UXS1: variants seen among roughly 807,000 people sequenced by gnomAD.
UXS1 encodes UDP-glucuronic acid decarboxylase 1.
Under a neutral mutation model 62.6 loss-of-function variants are expected in UXS1, and 33 were observed. That is an observed-to-expected ratio of 0.53 (90% CI 0.40 to 0.70). The LOEUF (loss-of-function observed/expected upper bound fraction) is 0.70. Ranked by LOEUF, UXS1 falls within the 30% of genes least tolerant of loss-of-function variation. UXS1 has a pLI of 0.00. For synonymous variants in UXS1, 213 were observed against 206.8 expected (o/e 1.03, Z -0.26); for missense variants, 434 against 556.3 (o/e 0.78, Z 2.21).
intron 9 of UXS1, among the ~76,000 whole-genome samples, chr2:106,120,193 G>A (rs1020147446): frequency 1.3e-5 from 2 of 152,188 alleles, no homozygotes; most frequent in Non-Finnish European, 2.9e-5. Context: ...ATGAATAACG[G>A]GACGGAAGGT....
intron 9 of UXS1, among the ~76,000 whole-genome samples, chr2:106,116,014 T>C (rs1349246478): frequency 6.6e-6 from 1 of 152,162 alleles, no homozygotes; most frequent in Non-Finnish European, 1.5e-5. Context: ...ACAGTGTAAC[T>C]GGCATCAAAC....
chr2:106,129,676 A>T lies in UXS1; in HGVS notation c.575T>A (p.Leu192Ter). The T allele has an allele frequency of 6.2e-7, 1 of 1,607,094 alleles. No homozygotes were observed. Among genetic ancestry groups the T allele is most frequent in the Non-Finnish European group, 8.5e-7 (1 of 1,175,454 alleles). The change falls in exon 7 of 15, where the codon TTG becomes TAG. Residue 192 changes from leucine to a stop codon, truncating the protein, a stop_gained and splice_region_variant. Coordinates refer to ENST00000283148, the MANE Select transcript of UXS1 (RefSeq NM_001253875.2). LOFTEE classifies it high-confidence loss of function. The part of the protein sequence containing the change: ...KTNTIGTLNM[L>*]GLAKRVGARL... The stretch of plus-strand genomic sequence containing the variant: ...AAAACAAGAAAATGACAACTTACCC[A>T]ACATGTTTAATGTCCCAATCGTATT...
chr2:106,184,924 G>T (rs187751186), intron 1 of UXS1, among the ~76,000 whole-genome samples: 189 of 152,286 alleles, frequency 1.2e-3, no homozygotes, highest in African/African-American at 4.2e-3. Flanking sequence ...ACCCCAAAAT[G>T]CAAAACTGAT....
chr2:106,122,498 T>C (rs1161566033), intron 9 of UXS1, among the ~76,000 whole-genome samples: 1 of 152,174 alleles, frequency 6.6e-6, no homozygotes, highest in Non-Finnish European at 1.5e-5. Context: ...TGACCAAATC[T>C]GTCACATAAA....
intron 1 of UXS1, among the ~76,000 whole-genome samples, 196 bp downstream of exon 1, chr2:106,193,952 G>A (rs1486627218): frequency 2.6e-5 from 4 of 151,972 alleles, no homozygotes; most frequent in African/African-American, 9.7e-5. Flanking sequence ...CTAAGCGGTA[G>A]GGGGTGTGCG....
At chr2:106,167,821 T>G (rs1573553549) in intron 1 of UXS1, among the ~76,000 whole-genome samples, 1 of 152,156 alleles carries the variant, frequency 6.6e-6, no homozygotes, top group Non-Finnish European at 1.5e-5. Context: ...ATTCCCAGAC[T>G]GTTAAGGCAT....
chr2:106,112,875 C>T, intron 9 of UXS1, 110 bp from the exon 10 acceptor site: 1 of 1,454,412 alleles, frequency 6.9e-7, no homozygotes, highest in South Asian at 1.4e-5. Context: ...TTCTGCTTTC[C>T]ATTCCAAAAT....
intron 5 of UXS1, among the ~76,000 whole-genome samples, chr2:106,149,514 T>C (rs79357275): frequency 1.9e-3 from 282 of 152,276 alleles, no homozygotes; most frequent in Middle Eastern, 3.4e-3. Flanking sequence ...GTCCCTTTGG[T>C]CTCTCTCTTG....
chr2:106,193,420 G>A (rs1250479431), intron 1 of UXS1, among the ~76,000 whole-genome samples: 2 of 152,062 alleles, frequency 1.3e-5, no homozygotes, highest in African/African-American at 2.4e-5. Flanking sequence ...CCGACCACCT[G>A]CCTGCGAAGT....
intron 12 of UXS1, chr2:106,100,743 C>A (rs563318996): frequency 7.1e-6 from 2 of 282,600 alleles, no homozygotes; most frequent in Non-Finnish European, 1.3e-5. Context: ...TGATGACCCG[C>A]CTGTTAAATA....
At chr2:106,174,457 C>G (rs1030839102) in intron 1 of UXS1, among the ~76,000 whole-genome samples, 8 of 152,222 alleles carry the variant, frequency 5.3e-5, no homozygotes, top group Admixed American at 4.6e-4. Flanking sequence ...AAGATAAGAG[C>G]ACCAGAGGCA....
At chr2:106,160,946 C>T (rs1291585458) in intron 4 of UXS1, among the ~76,000 whole-genome samples, 2 of 152,228 alleles carry the variant, frequency 1.3e-5, no homozygotes, top group African/African-American at 4.8e-5. Context: ...TTATACTCCT[C>T]ACTTCTTCGA....
At chr2:106,183,320 C>T (rs898597376) in intron 1 of UXS1, 3 of 151,378 alleles carry the variant, frequency 2.0e-5, no homozygotes, top group East Asian at 1.9e-4. Context: ...GCAGGCTTTG[C>T]TTTCAATTTC....
intron 4 of UXS1, among the ~76,000 whole-genome samples, chr2:106,161,007 G>A (rs1418707741): frequency 6.6e-6 from 1 of 152,102 alleles, no homozygotes; most frequent in African/African-American, 2.4e-5. Flanking sequence ...TGCCTGTGGG[G>A]TCCTCCTCAG....
At chr2:106,125,900 C>T (rs3739138) in intron 7 of UXS1, among the ~76,000 whole-genome samples, 19,083 of 152,220 alleles carry the variant, frequency 0.13, 1,675 homozygotes, top group East Asian at 0.35. Flanking sequence ...GAATACTTGT[C>T]ATAAGCAGGG....
chr2:106,109,646 C>G (rs1408935830), intron 10 of UXS1, among the ~76,000 whole-genome samples: 2 of 152,198 alleles, frequency 1.3e-5, no homozygotes, highest in African/African-American at 4.8e-5. Flanking sequence ...ATTTTCTAAT[C>G]TGAGATGCAA....
chr2:106,094,153 G>T lies in UXS1; in HGVS notation c.1151C>A (p.Pro384Gln), dbSNP rs773625425. The T allele has an allele frequency of 6.2e-7, 1 of 1,609,128 alleles. No homozygotes were observed. Among genetic ancestry groups the T allele is most frequent in the Non-Finnish European group, 8.5e-7 (1 of 1,179,014 alleles). The change falls in exon 15 of 15, where the codon CCG (proline) becomes CAG (glutamine). Residue 384 changes from proline to glutamine, a missense_variant. By Grantham distance (76) the Pro-to-Gln change is moderately conservative. Around this residue, in one of 3 missense-constraint regions of UXS1, gnomAD observed 209 missense variants for 233.3 expected, o/e 0.90. Coordinates refer to ENST00000283148, the MANE Select transcript of UXS1 (RefSeq NM_001253875.2). ...KLMLGWEPVV[P>Q]LEEGLNKAIH... ...TGCTTTGTTTAAACCTTCCTCCAGC[G>T]GGACCTGTTTAAAGGGAAAGCAAGA...
chr2:106,114,783 C>CA (rs952483258), intron 9 of UXS1, among the ~76,000 whole-genome samples: 3 of 152,186 alleles, frequency 2.0e-5, no homozygotes, highest in African/African-American at 7.2e-5. Flanking sequence ...ACAGGTGCAA[C>CA]AGCCGTTGAG....
rs534852777 is a variant in UXS1, at chr2:106,103,986, A to AT, written c.923+807dup. ...TGCCCCGACCTGCACAACAGCCACC[A>AT]TCTCACCCTAGTGCCCCTGGGATGG... On this transcript the variant is annotated intron_variant, in intron 11 of 14. Coordinates refer to ENST00000283148, the MANE Select transcript of UXS1 (RefSeq NM_001253875.2). 1.9e-3 allele frequency among the ~76,000 whole-genome samples: 284 copies of AT among 152,300 alleles called. 2 individuals carry two copies. Among genetic ancestry groups the AT allele is most frequent in the Admixed American group, 3.3e-3 (50 of 15,296 alleles).
Sources: gnomAD v4.1 joint callset for allele counts (sites outside exome capture counted in the v4.1 genomes callset) on GRCh38, gnomAD v4.1.1 for gene constraint, gnomAD v4.1.1 regional missense constraint, MANE v1.5 for transcripts, NCBI Gene and HGNC (gene_info 2026-07-23, HGNC 2026-07-21) for gene names.